PRKRIP1: variants seen among roughly 807,000 people sequenced by gnomAD.
PRKRIP1 encodes PRKR interacting protein 1.
PRKRIP1 carries 29 observed loss-of-function variants against 29.3 expected under a neutral mutation model. The observed-to-expected ratio is 0.99, with a 90% CI of 0.74 to 1.35. The LOEUF (loss-of-function observed/expected upper bound fraction) is 1.35, where lower values mean the gene tolerates loss of function less well. Ranked by LOEUF, PRKRIP1 falls within the 40% of genes most tolerant of loss-of-function variation. PRKRIP1 has a pLI of 0.00. For synonymous variants in PRKRIP1, 90 were observed against 85.1 expected, an observed-to-expected ratio of 1.06 and a Z score of -0.32; for missense variants, 247 against 236.8, an observed-to-expected ratio of 1.04 and a Z score of -0.28.
intron 5 of PRKRIP1, 32 bp from the exon 6 acceptor site, chr7:102,424,982 A>G (rs1586699966): frequency 3.1e-6 from 5 of 1,600,718 alleles, no homozygotes; most frequent in Middle Eastern, 1.7e-4. Flanking sequence ...ACGATTTTGC[A>G]TGTCTGTAAT....
Position 102,396,422 on chromosome 7 carries a change from C to G in PRKRIP1, c.11C>G (p.Pro4Arg). ...AACTGGAAGGCTGCCATGGCTAGCC[C>G]AGCCGCCTCCTCGGTGCGACCACCG... MAS[P>R]AASSVRPPRP... Residue 4 changes from proline to arginine, a missense_variant, in exon 1 of 6, where the codon CCA becomes CGA. By Grantham distance (103) the Pro-to-Arg change is moderately radical. This residue lies in a region of PRKRIP1 where 105 missense variants were observed against 80.2 expected (regional missense o/e 1.31). Transcript: ENST00000397912. 6.3e-7 allele frequency: 1 copy of G among 1,584,698 alleles called. No homozygotes were observed. The highest frequency in any genetic ancestry group is 8.5e-7 in the Non-Finnish European group (1 of 1,171,454).
At chr7:102,398,429 C>G (rs1357336007) in intron 2 of PRKRIP1, among the ~76,000 whole-genome samples, 1 of 151,974 alleles carries the variant, frequency 6.6e-6, no homozygotes, top group South Asian at 2.1e-4. Context: ...GGACTACAGG[C>G]CCGTGCCACC....
At chr7:102,423,300 A>G in intron 5 of PRKRIP1, 1 of 398,684 alleles carries the variant, frequency 2.5e-6, no homozygotes, top group South Asian at 1.8e-5. Flanking sequence ...TTTCTAGTAG[A>G]GATGAGGTTT....
At chr7:102,399,469 TC>T in intron 2 of PRKRIP1, 78 bp from the exon 3 acceptor site, 2 of 1,169,506 alleles carry the variant, frequency 1.7e-6, no homozygotes, top group South Asian at 2.5e-5. Context: ...ACTTTTTGTT[TC>T]TTTAGTCACC....
chr7:102,398,212 G>A (rs1554570698), intron 2 of PRKRIP1, among the ~76,000 whole-genome samples: 2 of 152,094 alleles, frequency 1.3e-5, no homozygotes, highest in African/African-American at 4.8e-5. Context: ...TAGCTTAAGG[G>A]CTATAGTTGC....
intron 5 of PRKRIP1, among the ~76,000 whole-genome samples, chr7:102,409,310 G>C (rs10237343): frequency 0.073 from 11,151 of 152,172 alleles, 447 homozygotes; most frequent in African/African-American, 0.093. Context: ...ATTTTAAATT[G>C]CTAAAATGTG....
At chr7:102,420,060 ATT>A (rs1190987713) in intron 5 of PRKRIP1, among the ~76,000 whole-genome samples, 5 of 151,882 alleles carry the variant, frequency 3.3e-5, no homozygotes, top group Non-Finnish European at 7.4e-5. Flanking sequence ...TAATTTTTGT[ATT>A]TTTAGTGGAG....
intron 3 of PRKRIP1, among the ~76,000 whole-genome samples, chr7:102,403,911 TC>T (rs1554571506): frequency 6.6e-6 from 1 of 152,174 alleles, no homozygotes; most frequent in African/African-American, 2.4e-5. Context: ...TGGCCTGTAA[TC>T]TCAGCACTTT....
rs559937833 is a variant in PRKRIP1 at position 102,425,194 on chromosome 7, C to A, written c.*83C>A. The A allele has an allele frequency of 4.6e-6, 7 of 1,536,658 alleles. No homozygotes were observed. Among genetic ancestry groups the A allele is most frequent in the African/African-American group, 4.1e-5 (3 of 73,126 alleles). On this transcript the variant is annotated 3_prime_UTR_variant, in exon 6 of 6. Coordinates refer to ENST00000397912, the MANE Select transcript of PRKRIP1 (RefSeq NM_024653.4). ...GGCGGCTGTTTGGCTCTTTCTCCCC[C>A]GCAAGGACCCGCTGACCCGCTGGAT...
Position 102,414,900 on chromosome 7 carries a change from AAAT to A in PRKRIP1, c.457+7411_457+7413del, listed in dbSNP as rs1184206920. 8.5e-5 allele frequency among the ~76,000 whole-genome samples: 13 copies of A among 152,206 alleles called. No individual in the cohort carries two copies. In the East Asian group the frequency reaches 2.3e-3, roughly 27 times the overall value. On this transcript the variant is annotated intron_variant, in intron 5 of 5. Coordinates refer to ENST00000397912, the MANE Select transcript of PRKRIP1 (RefSeq NM_024653.4). ...GACCCTGTCTCAAAAAGGAAAAAAA[AAAT>A]AATAATAAAGATAAATTTCTAACCA...
intron 3 of PRKRIP1, among the ~76,000 whole-genome samples, chr7:102,400,465 G>A (rs1049421028): frequency 6.6e-6 from 1 of 152,138 alleles, no homozygotes; most frequent in African/African-American, 2.4e-5. Flanking sequence ...ACCATATTGT[G>A]TAATTTCATT....
chr7:102,417,687 T>C (rs1235952158), intron 5 of PRKRIP1, among the ~76,000 whole-genome samples: 1 of 144,810 alleles, frequency 6.9e-6, no homozygotes, highest in Non-Finnish European at 1.5e-5. Flanking sequence ...GGCACCATCA[T>C]AGCTCACTGC....
At chr7:102,419,097 G>T (rs139861542) in intron 5 of PRKRIP1, among the ~76,000 whole-genome samples, 1 of 152,204 alleles carries the variant, frequency 6.6e-6, no homozygotes, top group African/African-American at 2.4e-5. Context: ...CTGGGACCCT[G>T]ACTTCCTAAA....
At chr7:102,416,574 T>A (rs1357893064) in intron 5 of PRKRIP1, among the ~76,000 whole-genome samples, 2 of 152,166 alleles carry the variant, frequency 1.3e-5, no homozygotes, top group Non-Finnish European at 2.9e-5. Flanking sequence ...TTTCTCATGA[T>A]TTGACTGGGG....
At chr7:102,406,089 T>C (rs1404514821) in intron 4 of PRKRIP1, among the ~76,000 whole-genome samples, 1 of 152,144 alleles carries the variant, frequency 6.6e-6, no homozygotes, top group Admixed American at 6.6e-5. Flanking sequence ...GTGTGACTCG[T>C]GGTCGGGCAT....
At chr7:102,407,303 T>A (rs573180045) in intron 4 of PRKRIP1, 131 bp from the exon 5 acceptor site, 1 of 612,260 alleles carries the variant, frequency 1.6e-6, no homozygotes, top group East Asian at 2.8e-5. Context: ...TCACCTAATA[T>A]TTTTCTTATT....
At chr7:102,414,894 A>G (rs1423178686) in intron 5 of PRKRIP1, among the ~76,000 whole-genome samples, 1 of 151,570 alleles carries the variant, frequency 6.6e-6, no homozygotes, top group Non-Finnish European at 1.5e-5. Flanking sequence ...TCAAAAAGGA[A>G]AAAAAAAATA....
At chr7:102,408,981 C>G (rs1317119255) in intron 5 of PRKRIP1, among the ~76,000 whole-genome samples, 4 of 152,188 alleles carry the variant, frequency 2.6e-5, no homozygotes, top group African/African-American at 7.2e-5. Context: ...CGAGACCAGC[C>G]TGGCCAACGT....
At chr7:102,407,584 G>C in intron 5 of PRKRIP1, 86 bp downstream of exon 5, 4 of 1,015,126 alleles carry the variant, frequency 3.9e-6, no homozygotes, top group Non-Finnish European at 6.2e-6. Flanking sequence ...CAGGGACGGA[G>C]AGTTTGGGCT....
Sources: allele counts gnomAD v4.1 joint callset (sites outside exome capture counted in the v4.1 genomes callset), GRCh38; gene constraint gnomAD v4.1.1; regional missense constraint gnomAD v4.1.1; transcripts MANE v1.5; gene names NCBI Gene and HGNC (gene_info 2026-07-23, HGNC 2026-07-21).